Variants in SMG1 observed in about 807,000 individuals in gnomAD.
The protein encoded by SMG1 is serine/threonine-protein kinase SMG1.
SMG1 carries 22 observed loss-of-function variants against 419.9 expected under a neutral mutation model. That is an observed-to-expected ratio of 0.05 (90% CI 0.04 to 0.07). The LOEUF is 0.07. Ranked by LOEUF, SMG1 falls within the 10% of genes least tolerant of loss-of-function variation. The pLI is 1.00. For synonymous variants in SMG1, 1,538 were observed against 1,553.5 expected (o/e 0.99, Z 0.23); for missense variants, 3,185 against 4,342.0 (o/e 0.73, Z 7.49).
intron 48 of SMG1, 81 bp from the exon 49 acceptor site, chr16:18,835,245 C>T: frequency 1.5e-6 from 2 of 1,377,630 alleles, no homozygotes; most frequent in Admixed American, 4.7e-5. Flanking sequence ...AATCCTCAAA[C>T]AAAACTTGAA....
At chr16:18,917,563 C>T (rs1190850057) in intron 1 of SMG1, among the ~76,000 whole-genome samples, 2 of 151,846 alleles carry the variant, frequency 1.3e-5, no homozygotes, top group African/African-American at 4.8e-5. Flanking sequence ...CATGCATGCA[C>T]GCACTCTAAC....
chr16:18,827,931 A>C (rs1054378523), intron 55 of SMG1, 100 bp downstream of exon 55: 2 of 1,219,460 alleles, frequency 1.6e-6, no homozygotes, highest in Non-Finnish European at 2.2e-6. Context: ...CAAGCCAAGG[A>C]CACACAAATA....
chr16:18,836,131 T>A lies in SMG1; in HGVS notation c.7859A>T (p.Glu2620Val). Residue 2620 changes from glutamate to valine, a missense_variant, in exon 48 of 63, where the codon GAG (glutamate) becomes GTG (valine). Glu to Val is a moderately radical substitution (Grantham distance 121, BLOSUM62 -2). Coordinates refer to ENST00000446231, the MANE Select transcript of SMG1 (RefSeq NM_015092.5). ...CTGCAGGAGAGCACCAACCTCCCCC[T>A]CCAGCTGCTCGCACTGGCTAATCAA... ...AHLISQCEQL[E>V]GEVGALLQQR... The A allele has an allele frequency of 6.2e-7, 1 of 1,609,690 alleles. No homozygotes were observed. The highest frequency in any genetic ancestry group is 8.5e-7 in the Non-Finnish European group (1 of 1,178,042).
At chr16:18,924,225 ATATT>A (rs770836555) in intron 1 of SMG1, among the ~76,000 whole-genome samples, 34 of 152,290 alleles carry the variant, frequency 2.2e-4, no homozygotes, top group Middle Eastern at 3.4e-3. Flanking sequence ...AACATGGATA[ATATT>A]TATTAATAGC....
intron 13 of SMG1, 180 bp downstream of exon 13, chr16:18,875,944 A>C: frequency 1.6e-6 from 1 of 639,822 alleles, no homozygotes; most frequent in Non-Finnish European, 2.7e-6. Context: ...AAGAAAAGTT[A>C]AATATAATGC....
intron 23 of SMG1, among the ~76,000 whole-genome samples, chr16:18,865,252 T>A (rs1449232001): frequency 6.6e-6 from 1 of 152,214 alleles, no homozygotes; most frequent in African/African-American, 2.4e-5. Flanking sequence ...CTTCTACTAT[T>A]AGTCATTAAT....
intron 54 of SMG1, among the ~76,000 whole-genome samples, chr16:18,828,475 T>C (rs2032917535): frequency 6.6e-6 from 1 of 152,206 alleles, no homozygotes; most frequent in Non-Finnish European, 1.5e-5. Flanking sequence ...AGTACAAGTT[T>C]ATATACCCAA....
chr16:18,830,304 T>C lies in SMG1; in HGVS notation c.8858A>G (p.Lys2953Arg). The C allele has an allele frequency of 6.2e-7, 1 of 1,613,994 alleles. No individual in the cohort carries two copies. Among genetic ancestry groups the C allele is most frequent in the Non-Finnish European group, 8.5e-7 (1 of 1,179,882 alleles). Residue 2953 changes from lysine to arginine, a missense_variant, in exon 52 of 63, where the codon AAA becomes AGA. Lys to Arg is a conservative substitution (Grantham distance 26, BLOSUM62 2). Around this residue, in one of 27 missense-constraint regions of SMG1, gnomAD observed 737 missense variants for 846.6 expected, o/e 0.87. Transcript: ENST00000446231. ...CAAAAGCATCTGGCCAGCTGACATT[T>C]TGGGTGTTTCATCAACTGAACCATT... The part of the protein sequence containing the change: ...PRNGSVDETP[K>R]MSAGQMLLVA...
At chr16:18,920,513 G>A (rs1375652040) in intron 1 of SMG1, among the ~76,000 whole-genome samples, 1 of 151,540 alleles carries the variant, frequency 6.6e-6, no homozygotes. Context: ...AACATGGGGA[G>A]GCCCCATCTC....
intron 10 of SMG1, 112 bp downstream of exon 10, chr16:18,882,053 T>A: frequency 2.9e-6 from 2 of 701,428 alleles, no homozygotes; most frequent in East Asian, 2.9e-5. Flanking sequence ...CATACATACA[T>A]ACATGCTAAA....
rs150442455 is a variant in SMG1, at chr16:18,834,054, T to C, written c.8565+150A>G. 883 of 635,026 alleles carry C rather than the reference T, an allele frequency of 1.4e-3. 4 individuals carry two copies. In the African/African-American group the frequency reaches 0.015, roughly 10 times the overall value. The allele number at this position is 635,026 out of a possible 1,614,324, so 39.3% of individuals were successfully genotyped here. A position where few individuals can be genotyped will look rare whatever the true frequency, so the allele number is the denominator to read the frequency against. ...ACAAAGAGCAACTGTAACCAAGTTA[T>C]AGCTATAAATCTCACAATTATCTTC... On this transcript the variant is annotated intron_variant, in intron 50 of 62. Transcript: ENST00000446231.
Position 18,885,676 on chromosome 16 carries a change from A to G in SMG1, c.823-10T>C. On this transcript the variant is annotated splice_polypyrimidine_tract_variant and intron_variant, in intron 6 of 62. Transcript: ENST00000446231. ...GGCTGGTCATTACAAGCTTAAAAAT[A>G]AAAAGTTACAAACCGTGAACATTCA... 6.3e-7 allele frequency: 1 copy of G among 1,595,922 alleles called. No homozygotes were observed. The highest frequency in any genetic ancestry group is 8.5e-7 in the Non-Finnish European group (1 of 1,179,368).
intron 36 of SMG1, 104 bp from the exon 37 acceptor site, chr16:18,848,137 T>C (rs547407035): frequency 8.6e-5 from 79 of 916,426 alleles, no homozygotes; most frequent in South Asian, 7.8e-4. Context: ...AGAGCACTCA[T>C]TGAACTCATT....
intron 50 of SMG1, among the ~76,000 whole-genome samples, chr16:18,833,611 T>C (rs2033356697): frequency 6.6e-6 from 1 of 152,090 alleles, no homozygotes; most frequent in African/African-American, 2.4e-5. Context: ...TATAATAAAC[T>C]GCATGTTTAA....
chr16:18,904,830 GAGGCTGGGGCAGGAGAATCGCTTGA>G (rs1342817362), intron 1 of SMG1, among the ~76,000 whole-genome samples: 1 of 151,976 alleles, frequency 6.6e-6, no homozygotes, highest in Non-Finnish European at 1.5e-5. Flanking sequence ...AGCTACTCAG[GAGGCTGGGGCAGGAGAATCGCTTGA>G]ATCCGGGAGG....
intron 55 of SMG1, among the ~76,000 whole-genome samples, chr16:18,827,572 T>C (rs1175716754): frequency 7.0e-6 from 1 of 142,138 alleles, no homozygotes; most frequent in Non-Finnish European, 1.5e-5. Context: ...GGTATAAATA[T>C]ACCAAAATAT....
chr16:18,910,814 C>T (rs751717990), intron 1 of SMG1, among the ~76,000 whole-genome samples: 17 of 152,092 alleles, frequency 1.1e-4, no homozygotes, highest in Non-Finnish European at 2.1e-4. Context: ...GGCATCCTCC[C>T]TCCTCCCATT....
intron 58 of SMG1, 88 bp from the exon 59 acceptor site, chr16:18,815,739 T>C: frequency 9.0e-7 from 1 of 1,111,926 alleles, no homozygotes; most frequent in Non-Finnish European, 1.3e-6. Context: ...AAGTAACAAA[T>C]GTTTCAAATA....
In SMG1 at chr16:18,809,617, A is replaced by G; in HGVS notation, c.10938T>C (p.Asn3646=). ...QVDYVIKEAT[N]LDNLAQLYEG... ...CATACAGCTGAGCCAAGTTATCTAGATTAGTTGCTTCCTTAATGACATAGT... is the reference window on the plus strand; with the variant it reads ...CATACAGCTGAGCCAAGTTATCTAGGTTAGTTGCTTCCTTAATGACATAGT... Residue 3646 remains asparagine (N), a synonymous_variant, in exon 63 of 63, where the codon AAT becomes AAC. Coordinates refer to ENST00000446231, the MANE Select transcript of SMG1 (RefSeq NM_015092.5). The G allele has an allele frequency of 3.7e-6, 6 of 1,610,092 alleles. No individual in the cohort carries two copies. The highest frequency in any genetic ancestry group is 5.1e-6 in the Non-Finnish European group (6 of 1,178,046).
Sources: gnomAD v4.1 joint callset for allele counts (sites outside exome capture counted in the v4.1 genomes callset) on GRCh38, gnomAD v4.1.1 for gene constraint, gnomAD v4.1.1 regional missense constraint, MANE v1.5 for transcripts, NCBI Gene and HGNC (gene_info 2026-07-23, HGNC 2026-07-21) for gene names.